MYT1: variants seen among roughly 807,000 people sequenced by gnomAD.
MYT1 encodes myelin transcription factor I.
A neutral mutation model predicts 123.0 loss-of-function variants in MYT1; 23 were observed. That is an observed-to-expected ratio of 0.19 (90% CI 0.13 to 0.26). The LOEUF (loss-of-function observed/expected upper bound fraction) is 0.26. Ranked by LOEUF, MYT1 falls within the 10% of genes least tolerant of loss-of-function variation. The probability of loss-of-function intolerance (pLI) is 1.00; values close to 1 mark genes in which losing one functional copy is unlikely to be tolerated. For synonymous variants in MYT1, 518 were observed against 575.3 expected (o/e 0.90, Z 1.43); for missense variants, 1,125 against 1,472.5 (o/e 0.76, Z 3.86).
At chr20:64,210,032 G>A (rs1241644909) in intron 7 of MYT1, among the ~76,000 whole-genome samples, 1 of 152,062 alleles carries the variant, frequency 6.6e-6, no homozygotes, top group Non-Finnish European at 1.5e-5. Context: ...GCCCGGGGTG[G>A]TTACTAGCCT....
At chr20:64,178,851 T>C (rs1415682024) in intron 1 of MYT1, among the ~76,000 whole-genome samples, 8 of 132,042 alleles carry the variant, frequency 6.1e-5, no homozygotes, top group Non-Finnish European at 1.3e-4. Context: ...TGAGCCGTTA[T>C]TCGGTGGGAT....
chr20:64,236,657 C>A lies in MYT1; in HGVS notation c.2989+11C>A. 2 of 1,610,310 alleles carry A rather than the reference C, an allele frequency of 1.2e-6. No homozygotes were observed. The highest frequency in any genetic ancestry group is 1.7e-4 in the Middle Eastern group (1 of 6,052). ...TCAAGACTAGCGACGGTAAGGATGG[C>A]TTCCTGGATTTCCCTGCTCATGGCT... On this transcript the variant is annotated intron_variant, in intron 20 of 22. Coordinates refer to ENST00000328439, the MANE Select transcript of MYT1 (RefSeq NM_004535.3).
At position 64,236,660 on chromosome 20, in the gene MYT1, C is replaced by T; in HGVS notation, c.2989+14C>T. 6.2e-7 allele frequency: 1 copy of T among 1,605,472 alleles called. No homozygotes were observed. Among genetic ancestry groups the T allele is most frequent in the Non-Finnish European group, 8.5e-7 (1 of 1,172,388 alleles). ...AGACTAGCGACGGTAAGGATGGCTT[C>T]CTGGATTTCCCTGCTCATGGCTGGG... is the stretch of plus-strand genomic sequence containing the variant. On this transcript the variant is annotated intron_variant, in intron 20 of 22. Coordinates refer to ENST00000328439, the MANE Select transcript of MYT1 (RefSeq NM_004535.3).
intron 1 of MYT1, among the ~76,000 whole-genome samples, chr20:64,165,331 G>A (rs781716619): frequency 6.6e-6 from 1 of 152,116 alleles, no homozygotes; most frequent in Non-Finnish European, 1.5e-5. Context: ...GTAAATATCG[G>A]CCGCTCCTCT....
rs2145704741 is a variant in MYT1 at position 64,192,971 on chromosome 20, A to G, written c.-1+2811A>G. ...ATCCATTATGTAGCTCTAATTTTTGATTTGGGAATGAAGTGAGCCAGTATC... is the reference window on the plus strand; with the variant it reads ...ATCCATTATGTAGCTCTAATTTTTGGTTTGGGAATGAAGTGAGCCAGTATC... On this transcript the variant is annotated intron_variant, in intron 2 of 22. Coordinates refer to ENST00000328439, the MANE Select transcript of MYT1 (RefSeq NM_004535.3). This position sits in a 1 kb window ranked among gnomAD's most constrained non-coding sequence, Gnocchi z 5.3. Among the ~76,000 whole-genome samples, 1 of 152,294 alleles carries G rather than the reference A, an allele frequency of 6.6e-6. No individual in the cohort carries two copies. Among genetic ancestry groups the G allele is most frequent in the South Asian group, 2.1e-4 (1 of 4,824 alleles).
chr20:64,240,335 C>G lies in MYT1; in HGVS notation c.3253C>G (p.Gln1085Glu), dbSNP rs1984679446. 3.1e-6 allele frequency: 5 copies of G among 1,613,896 alleles called. No individual in the cohort carries two copies. Among genetic ancestry groups the G allele is most frequent in the South Asian group, 2.2e-5 (2 of 91,082 alleles). ...TGTTCTCTAGGAGCCAATATGCGAA[C>G]AGAATTTCGATGCCTATGTGAGCAC... is the stretch of plus-strand genomic sequence containing the variant. The part of the protein sequence containing the change: ...RLPHMEPICE[Q>E]NFDAYVSTLT... The change falls in exon 23 of 23, where the codon CAG (glutamine) becomes GAG (glutamate). Residue 1085 changes from glutamine (Q) to glutamate (E), a missense_variant. Around this residue, in one of 4 missense-constraint regions of MYT1, gnomAD observed 243 missense variants for 323.1 expected, o/e 0.75. Transcript: ENST00000328439.
chr20:64,221,726 T>C (rs976959688), intron 13 of MYT1, among the ~76,000 whole-genome samples, 167 bp from the exon 14 acceptor site: 5 of 152,128 alleles, frequency 3.3e-5, no homozygotes, highest in Non-Finnish European at 7.4e-5. Flanking sequence ...GTCTTCTGTG[T>C]TTTGCTGGGG....
chr20:64,199,590 C>T (rs1983230976), intron 3 of MYT1, among the ~76,000 whole-genome samples: 1 of 152,186 alleles, frequency 6.6e-6, no homozygotes, highest in African/African-American at 2.4e-5. Context: ...CCCTGAGGTC[C>T]CAGAGATCCT....
rs549186417 is a variant in MYT1, at chr20:64,181,366, C to T, written c.-98-8697C>T. 2.6e-5 allele frequency among the ~76,000 whole-genome samples: 4 copies of T among 152,298 alleles called. No homozygotes were observed. In the South Asian group the frequency reaches 8.3e-4, roughly 32 times the overall value. ...TGGAACTCCCAAATCGGGTGTCAGT[C>T]CTCACTCAGCGTTTCCTCCGTCTCT... is the stretch of plus-strand genomic sequence containing the variant. On this transcript the variant is annotated intron_variant, in intron 1 of 22. Coordinates refer to ENST00000328439, the MANE Select transcript of MYT1 (RefSeq NM_004535.3).
chr20:64,213,697 C>A lies in MYT1; in HGVS notation c.1631+50C>A, dbSNP rs1182434634. On this transcript the variant is annotated intron_variant, in intron 10 of 22. Transcript: ENST00000328439. This position sits in a 1 kb window ranked among gnomAD's most constrained non-coding sequence, Gnocchi z 5.6. Reference sequence around the variant, plus strand: ...GAAGAGGCTGCCTCCCAAATGCCTGCAGAGGGCTTCTCAGTCTCCCGCAGG... The same window carrying A: ...GAAGAGGCTGCCTCCCAAATGCCTGAAGAGGGCTTCTCAGTCTCCCGCAGG... 1 of 1,480,374 alleles carries A rather than the reference C, an allele frequency of 6.8e-7. No individual in the cohort carries two copies. The highest frequency in any genetic ancestry group is 9.4e-7 in the Non-Finnish European group (1 of 1,062,236). 91.7% of individuals were successfully genotyped at this position (1,480,374 alleles called of 1,614,324 possible).
chr20:64,169,307 G>T (rs1982174257), intron 1 of MYT1, among the ~76,000 whole-genome samples: 1 of 152,226 alleles, frequency 6.6e-6, no homozygotes, highest in African/African-American at 2.4e-5. Context: ...CTCCCAGTGA[G>T]CCAGAGCCAC....
At position 64,212,558 on chromosome 20, in the gene MYT1, C is replaced by G. The variant is rs1020472223; in HGVS notation, c.1517+420C>G. On this transcript the variant is annotated intron_variant, in intron 9 of 22. Coordinates refer to ENST00000328439, the MANE Select transcript of MYT1 (RefSeq NM_004535.3). This position sits in a 1 kb window ranked among gnomAD's most constrained non-coding sequence, Gnocchi z 6.8. ...TGCAGAGGAGGGAGCAATGCACCCT[C>G]TGTGAAGAGAGGTACAACAACCATG... 2.0e-5 allele frequency among the ~76,000 whole-genome samples: 3 copies of G among 152,164 alleles called. No individual in the cohort carries two copies. Among genetic ancestry groups the G allele is most frequent in the Non-Finnish European group, 1.5e-5 (1 of 68,018 alleles).
At chr20:64,181,450 A>C (rs2145696932) in intron 1 of MYT1, among the ~76,000 whole-genome samples, 1 of 151,982 alleles carries the variant, frequency 6.6e-6, no homozygotes, top group East Asian at 1.9e-4. Context: ...CTATCTCCCA[A>C]GTCTTCTGTT....
At position 64,208,590 on chromosome 20, in the gene MYT1, A is replaced by G; in HGVS notation, c.1291+103A>G. The G allele has an allele frequency of 6.9e-7, 1 of 1,458,640 alleles. No individual in the cohort carries two copies. Among genetic ancestry groups the G allele is most frequent in the Non-Finnish European group, 9.0e-7 (1 of 1,106,372 alleles). 90.4% of individuals were successfully genotyped at this position (1,458,640 alleles called of 1,614,324 possible). On this transcript the variant is annotated intron_variant, in intron 7 of 22. Coordinates refer to ENST00000328439, the MANE Select transcript of MYT1 (RefSeq NM_004535.3). This position sits in a 1 kb window ranked among gnomAD's most constrained non-coding sequence, Gnocchi z 5.4. ...CCCTTCTAGGACAGGGGGCTGGGGG[A>G]TGGCAGAAAAGCAGACAAAAGGACA...
At chr20:64,235,756 A>C (rs566244072) in intron 19 of MYT1, among the ~76,000 whole-genome samples, 1,881 of 40,584 alleles carry the variant, frequency 0.046, 41 homozygotes, top group South Asian at 0.06. Flanking sequence ...TGACCCTTGG[A>C]TGGCTGTGGT....
chr20:64,211,447 T>C, intron 8 of MYT1, 107 bp downstream of exon 8: 1 of 1,204,524 alleles, frequency 8.3e-7, no homozygotes. Flanking sequence ...GCCATAACCT[T>C]CCCCTTTGGT....
At position 64,192,609 on chromosome 20, in the gene MYT1, G is replaced by A. The variant is rs550387843; in HGVS notation, c.-1+2449G>A. Among the ~76,000 whole-genome samples the A allele has an allele frequency of 6.6e-6, 1 of 152,244 alleles. No homozygotes were observed. Among genetic ancestry groups the A allele is most frequent in the Non-Finnish European group, 1.5e-5 (1 of 68,042 alleles). ...GCATGTGGACAGCTCAGGACCGGTT[G>A]GAAGGGGCTGCCAGAAGTCAGGTGG... On this transcript the variant is annotated intron_variant, in intron 2 of 22. Coordinates refer to ENST00000328439, the MANE Select transcript of MYT1 (RefSeq NM_004535.3). The surrounding 1 kb of genome is among the most constrained non-coding windows in gnomAD (Gnocchi z 5.3).
chr20:64,188,663 A>G (rs1444311946), intron 1 of MYT1, among the ~76,000 whole-genome samples: 1 of 152,158 alleles, frequency 6.6e-6, no homozygotes, highest in Non-Finnish European at 1.5e-5. Flanking sequence ...CACAGAGTTG[A>G]GAATTGGATT....
At position 64,172,741 on chromosome 20, in the gene MYT1, CTTTTTTTTT is replaced by C. The variant is rs33943131; in HGVS notation, c.-99+8017_-99+8025del. 4.2e-5 allele frequency among the ~76,000 whole-genome samples: 4 copies of C among 95,548 alleles called. 2 individuals carry two copies. The highest frequency in any genetic ancestry group is 2.5e-4 in the Admixed American group (2 of 7,898). The allele number at this position is 95,548 out of a possible 152,430, so 62.7% of individuals were successfully genotyped here. A position where few individuals can be genotyped will look rare whatever the true frequency, so the allele number is the denominator to read the frequency against. ...GTGCTGCTGGCTCTGGCCATACCCT[CTTTTTTTTT>C]TTTTTTTTTTTTTTGAAGATGGAGT... is the stretch of plus-strand genomic sequence containing the variant. On this transcript the variant is annotated intron_variant, in intron 1 of 22. Transcript: ENST00000328439.
Sources: gnomAD v4.1 joint callset for allele counts (sites outside exome capture counted in the v4.1 genomes callset) on GRCh38, gnomAD v4.1.1 for gene constraint, gnomAD v4.1.1 regional missense constraint, Gnocchi (gnomAD v3.1) non-coding constraint, MANE v1.5 for transcripts, NCBI Gene and HGNC (gene_info 2026-07-23, HGNC 2026-07-21) for gene names.